Variants in BMAL2 observed in about 807,000 individuals in gnomAD.
The protein encoded by BMAL2 is basic helix-loop-helix ARNT like 2.
chr12:27,354,194 A>G, the BMAL2 span, among the ~76,000 whole-genome samples: 1 of 152,244 alleles, frequency 6.6e-6, no homozygotes, highest in Non-Finnish European at 1.5e-5. Flanking sequence ...CGGACTGGAC[A>G]AAGAAAATGT....
At chr12:27,381,015 T>C in the BMAL2 span, among the ~76,000 whole-genome samples, 4 of 151,936 alleles carry the variant, frequency 2.6e-5, no homozygotes, top group Admixed American at 6.6e-5. Context: ...GTATTAATTA[T>C]TAAGTTATTG....
At chr12:27,341,253 G>A in the BMAL2 span, among the ~76,000 whole-genome samples, 1 of 151,362 alleles carries the variant, frequency 6.6e-6, no homozygotes, top group African/African-American at 2.4e-5. Context: ...CTGTGGGTTT[G>A]TTGTAGATGG....
chr12:27,364,857 A>G, the BMAL2 span, among the ~76,000 whole-genome samples: 1 of 152,120 alleles, frequency 6.6e-6, no homozygotes, highest in Non-Finnish European at 1.5e-5. Flanking sequence ...TTATACATTT[A>G]TTAGATTTAT....
the BMAL2 span, among the ~76,000 whole-genome samples, chr12:27,373,087 A>G: frequency 6.6e-6 from 1 of 152,224 alleles, no homozygotes; most frequent in Admixed American, 6.5e-5. Context: ...AGCTGAAAGA[A>G]GAAGACCCAG....
the BMAL2 span, among the ~76,000 whole-genome samples, chr12:27,408,402 A>G: frequency 3.3e-5 from 5 of 152,244 alleles, no homozygotes; most frequent in Non-Finnish European, 7.3e-5. Flanking sequence ...ACCATGATCA[A>G]GTGGGCTTCA....
At chr12:27,413,910 G>A in the BMAL2 span, among the ~76,000 whole-genome samples, 419 of 152,212 alleles carry the variant, frequency 2.8e-3, 7 homozygotes, top group African/African-American at 9.7e-3. Context: ...GGCACACACC[G>A]GTAGTACCAG....
the BMAL2 span, among the ~76,000 whole-genome samples, chr12:27,414,545 C>A: frequency 6.6e-6 from 1 of 151,600 alleles, no homozygotes; most frequent in Non-Finnish European, 1.5e-5. Context: ...CAACACATAC[C>A]TGAACAACCA....
the BMAL2 span, among the ~76,000 whole-genome samples, chr12:27,397,761 G>A: frequency 1.3e-5 from 2 of 152,202 alleles, no homozygotes; most frequent in African/African-American, 4.8e-5. Flanking sequence ...TGAAATCGCA[G>A]GCTGATGAAG....
At chr12:27,401,459 A>C in the BMAL2 span, 8 of 1,545,780 alleles carry the variant, frequency 5.2e-6, no homozygotes, top group African/African-American at 1.4e-5. Flanking sequence ...GTTTGAATTA[A>C]TCTTCACAAC....
chr12:27,332,896 G>T, the BMAL2 span: 1 of 248,024 alleles, frequency 4.0e-6, no homozygotes, highest in Non-Finnish European at 6.9e-6. Flanking sequence ...CCGGGCTGCG[G>T]GGCGGCGTCC....
the BMAL2 span, among the ~76,000 whole-genome samples, chr12:27,335,566 C>G: frequency 6.6e-6 from 1 of 152,188 alleles, no homozygotes; most frequent in Admixed American, 6.5e-5. Flanking sequence ...AGAAATCAAA[C>G]GTCATGTCCC....
chr12:27,370,027 G>A, the BMAL2 span: 2 of 788,320 alleles, frequency 2.5e-6, no homozygotes, highest in Non-Finnish European at 4.3e-6. Flanking sequence ...CTATCACTGG[G>A]TAGCTGGACA....
At chr12:27,386,030 T>C in the BMAL2 span, among the ~76,000 whole-genome samples, 1 of 152,184 alleles carries the variant, frequency 6.6e-6, no homozygotes, top group Non-Finnish European at 1.5e-5. Flanking sequence ...TCATGTGATT[T>C]GCTTCTCATG....
the BMAL2 span, among the ~76,000 whole-genome samples, chr12:27,377,020 A>G: frequency 7.3e-6 from 1 of 137,930 alleles, no homozygotes; most frequent in African/African-American, 2.6e-5. Flanking sequence ...AAAAAAAAAA[A>G]AAAAGAAACC....
the BMAL2 span, among the ~76,000 whole-genome samples, chr12:27,381,740 G>T: frequency 9.9e-5 from 15 of 152,148 alleles, no homozygotes; most frequent in African/African-American, 3.6e-4. Flanking sequence ...GTGGAATAGA[G>T]TTTTCGATTT....
At chr12:27,408,610 AT>A in the BMAL2 span, among the ~76,000 whole-genome samples, 2 of 152,248 alleles carry the variant, frequency 1.3e-5, no homozygotes, top group African/African-American at 4.8e-5. Context: ...AATAAGAGCT[AT>A]CTATGACAAA....
the BMAL2 span, among the ~76,000 whole-genome samples, chr12:27,368,924 G>T: frequency 6.6e-6 from 1 of 152,092 alleles, no homozygotes; most frequent in Non-Finnish European, 1.5e-5. Context: ...TACCCCTGCA[G>T]CTTCAGTCCT....
the BMAL2 span, among the ~76,000 whole-genome samples, chr12:27,405,803 G>A: frequency 1.3e-5 from 2 of 152,158 alleles, no homozygotes; most frequent in Admixed American, 6.5e-5. Flanking sequence ...CCGAGCTAAA[G>A]GAGGAAGTTT....
the BMAL2 span, among the ~76,000 whole-genome samples, chr12:27,365,353 A>G: frequency 6.6e-6 from 1 of 152,020 alleles, no homozygotes; most frequent in Non-Finnish European, 1.5e-5. Context: ...GATTATTTTT[A>G]TTCATTTCTG....
Sources: gnomAD v4.1 joint callset for allele counts (sites outside exome capture counted in the v4.1 genomes callset) on GRCh38, gnomAD v4.1.1 for gene constraint, MANE v1.5 for transcripts, NCBI Gene and HGNC (gene_info 2026-07-23, HGNC 2026-07-21) for gene names.